The following CLDND1 variants were observed in gnomAD, a reference collection of about 807,000 sequenced individuals.
CLDND1 encodes the protein claudin domain containing 1.
CLDND1 carries 13 observed loss-of-function variants against 26.3 expected under a neutral mutation model. The ratio of observed to expected loss-of-function variants is 0.49; its 90% CI spans 0.32 to 0.78. The LOEUF (loss-of-function observed/expected upper bound fraction) is 0.78. Ranked by LOEUF, CLDND1 falls within the 30% of genes least tolerant of loss-of-function variation. The pLI is 0.03. For synonymous variants in CLDND1, 107 were observed against 107.0 expected, an observed-to-expected ratio of 1.00 and a Z score of 0.00; for missense variants, 289 against 312.8, an observed-to-expected ratio of 0.92 and a Z score of 0.57.
At position 98,517,245 on chromosome 3, in the gene CLDND1, C is replaced by T. The variant is rs185129354; in HGVS notation, c.404-56G>A. 610 of 1,572,962 alleles carry T rather than the reference C, an allele frequency of 3.9e-4. 1 individual carries two copies. In the African/African-American group the frequency reaches 6.5e-3, roughly 17 times the overall value. On this transcript the variant is annotated intron_variant, in intron 3 of 4. Transcript: ENST00000341181. ...TACCGTGATTTCAGACCATTTTCCCCGCAATGGCAATTTCTTTCATATTCT... is the reference window on the plus strand; with the variant it reads ...TACCGTGATTTCAGACCATTTTCCCTGCAATGGCAATTTCTTTCATATTCT...
rs771954480 is a variant in CLDND1, at chr3:98,517,217, T to C, written c.404-28A>G. On this transcript the variant is annotated intron_variant, in intron 3 of 4. Coordinates refer to ENST00000341181, the MANE Select transcript of CLDND1 (RefSeq NM_001040181.2). ...GATTTTTAAAAAGAGAGAAAAGAAA[T>C]GTTACCGTGATTTCAGACCATTTTC... is the stretch of plus-strand genomic sequence containing the variant. The C allele has an allele frequency of 4.4e-6, 7 of 1,604,350 alleles. No individual in the cohort carries two copies. The South Asian group carries it at 7.9e-5, about 18-fold the overall frequency.
At chr3:98,517,412 C>T in intron 3 of CLDND1, 1 of 545,604 alleles carries the variant, frequency 1.8e-6, no homozygotes. Flanking sequence ...TGAGGGTTCA[C>T]TATGTTCCAT....
chr3:98,522,413 G>T (rs996035949), intron 1 of CLDND1: 2 of 444,804 alleles, frequency 4.5e-6, no homozygotes, highest in Non-Finnish European at 6.2e-6. Context: ...CGCAAACTGG[G>T]GTTGCTGAGT....
At position 98,516,527 on chromosome 3, in the gene CLDND1, T is replaced by C; in HGVS notation, c.*132A>G. 10 of 1,420,140 alleles carry C rather than the reference T, an allele frequency of 7.0e-6. No homozygotes were observed. Among genetic ancestry groups the C allele is most frequent in the Non-Finnish European group, 9.2e-6 (10 of 1,083,474 alleles). The allele number at this position is 1,420,140 out of a possible 1,614,324, so 88.0% of individuals were successfully genotyped here. A position where few individuals can be genotyped will look rare whatever the true frequency, so the allele number is the denominator to read the frequency against. ...GTGTGTATTTAGTGGTGAATGTGTA[T>C]AAATAAAATAGATTTTCATAATAAA... On this transcript the variant is annotated 3_prime_UTR_variant, in exon 5 of 5. Transcript: ENST00000341181.
At chr3:98,517,559 AT>A (rs1257337600) in intron 3 of CLDND1, among the ~76,000 whole-genome samples, 16 of 152,368 alleles carry the variant, frequency 1.1e-4, no homozygotes, top group East Asian at 5.8e-4. Flanking sequence ...AGAAAAAAAA[AT>A]GATACAAATT....
rs752218443 is a variant in CLDND1, at chr3:98,519,010, ATTGCCTG to A, written c.293-22_293-16del. 2 of 1,383,438 alleles carry A rather than the reference ATTGCCTG, an allele frequency of 1.4e-6. No homozygotes were observed. The highest frequency in any genetic ancestry group is 2.0e-6 in the Non-Finnish European group (2 of 982,110). The allele number at this position is 1,383,438 out of a possible 1,614,324, so 85.7% of individuals were successfully genotyped here. ...ATCAAATGACTCTGGAACAAGAACA[ATTGCCTG>A]TTGTTTTAATTATAAACATTTAACA... On this transcript the variant is annotated splice_polypyrimidine_tract_variant and intron_variant, in intron 2 of 4. Transcript: ENST00000341181.
In CLDND1 at chr3:98,516,923, A is replaced by T. The variant is rs1706165544; in HGVS notation, c.542-44T>A. ...AAACAAAACAAAACATGGCTGGATA[A>T]AAGCACAGTAAAGAGCTTTTCAGGC... On this transcript the variant is annotated intron_variant, in intron 4 of 4. Coordinates refer to ENST00000341181, the MANE Select transcript of CLDND1 (RefSeq NM_001040181.2). 4 of 1,611,660 alleles carry T rather than the reference A, an allele frequency of 2.5e-6. No individual in the cohort carries two copies. The East Asian group carries it at 8.9e-5, about 36-fold the overall frequency.
intron 3 of CLDND1, 149 bp from the exon 4 acceptor site, chr3:98,517,338 T>G (rs1706186987): frequency 1.2e-6 from 1 of 851,982 alleles, no homozygotes; most frequent in Admixed American, 2.9e-5. Flanking sequence ...AAGCACATTA[T>G]TCAAAAGGAT....
chr3:98,521,670 C>CA (rs780290258), intron 1 of CLDND1: 3 of 1,612,826 alleles, frequency 1.9e-6, no homozygotes, highest in African/African-American at 1.3e-5. Flanking sequence ...GCTACGGAGA[C>CA]AGAGGTCTTG....
intron 4 of CLDND1, 50 bp from the exon 5 acceptor site, chr3:98,516,929 C>G: frequency 6.2e-7 from 1 of 1,609,512 alleles, no homozygotes; most frequent in African/African-American, 1.3e-5. Context: ...GATAAAAGCA[C>G]AGTAAAGAGC....
At position 98,515,800 on chromosome 3, in the gene CLDND1, T is replaced by C. The variant is rs1346117952; in HGVS notation, c.*859A>G. On this transcript the variant is annotated 3_prime_UTR_variant, in exon 5 of 5. Transcript: ENST00000341181. ...TGGTAGGTTTCCCAGCTCTGGAGGGTCATTATGGTGAAACGTTCTTTATAG... is the reference window on the plus strand; with the variant it reads ...TGGTAGGTTTCCCAGCTCTGGAGGGCCATTATGGTGAAACGTTCTTTATAG... The C allele has an allele frequency of 1.6e-6, 2 of 1,289,250 alleles. No homozygotes were observed. The highest frequency in any genetic ancestry group is 2.0e-6 in the Non-Finnish European group (2 of 988,764). The allele number at this position is 1,289,250 out of a possible 1,614,324, so 79.9% of individuals were successfully genotyped here. A position where few individuals can be genotyped will look rare whatever the true frequency, so the allele number is the denominator to read the frequency against.
chr3:98,521,936 AAG>A (rs1706433112), intron 1 of CLDND1: 2 of 525,012 alleles, frequency 3.8e-6, no homozygotes, highest in Non-Finnish European at 6.8e-6. Context: ...AAACAAAGGT[AAG>A]AGTCAGGAGC....
At chr3:98,520,030 C>T (rs933881609) in intron 2 of CLDND1, among the ~76,000 whole-genome samples, 14 of 152,216 alleles carry the variant, frequency 9.2e-5, no homozygotes, top group Non-Finnish European at 2.1e-4. Context: ...CATCTTTTAA[C>T]ATACTGAATA....
At position 98,515,886 on chromosome 3, in the gene CLDND1, G is replaced by GA. The variant is rs1706118899; in HGVS notation, c.*772_*773insT. 2 of 1,281,222 alleles carry GA rather than the reference G, an allele frequency of 1.6e-6. No homozygotes were observed. The highest frequency in any genetic ancestry group is 2.0e-6 in the Non-Finnish European group (2 of 984,246). The allele number at this position is 1,281,222 out of a possible 1,614,324, so 79.4% of individuals were successfully genotyped here. On this transcript the variant is annotated 3_prime_UTR_variant, in exon 5 of 5. Transcript: ENST00000341181. Reference sequence around the variant, plus strand: ...TTTTACCTTGTAACTGTAATATAATGTAAAAAGAAAGCACACTTTTAATAA... The same window carrying GA: ...TTTTACCTTGTAACTGTAATATAATGATAAAAAGAAAGCACACTTTTAATAA...
Position 98,522,861 on chromosome 3 carries a change from T to C in CLDND1, c.-31A>G. 1 of 1,613,738 alleles carries C rather than the reference T, an allele frequency of 6.2e-7. No individual in the cohort carries two copies. The highest frequency in any genetic ancestry group is 8.5e-7 in the Non-Finnish European group (1 of 1,179,726). On this transcript the variant is annotated 5_prime_UTR_variant, in exon 1 of 5. Transcript: ENST00000341181. ...CCCGCTCACTCACCGCCCATCCTCC[T>C]GCTCCGCCAGCTTCACCCTCTAGCT...
Position 98,516,885 on chromosome 3 carries a change from G to A in CLDND1, c.542-6C>T. On this transcript the variant is annotated splice_polypyrimidine_tract_variant and splice_region_variant and intron_variant, in intron 4 of 4. Coordinates refer to ENST00000341181, the MANE Select transcript of CLDND1 (RefSeq NM_001040181.2). ...TGAGCCCAGTGTACACAGACCTTGG[G>A]GGAAAATTTAGAAAACAAAACAAAA... 2.5e-6 allele frequency: 4 copies of A among 1,613,600 alleles called. No homozygotes were observed. Among genetic ancestry groups the A allele is most frequent in the Non-Finnish European group, 3.4e-6 (4 of 1,179,822 alleles).
At position 98,521,259 on chromosome 3, in the gene CLDND1, T is replaced by C; in HGVS notation, c.166A>G (p.Ser56Gly). The C allele has an allele frequency of 6.2e-7, 1 of 1,614,218 alleles. No homozygotes were observed. The highest frequency in any genetic ancestry group is 1.6e-4 in the Middle Eastern group (1 of 6,062). Reference sequence around the variant, plus strand: ...TAAGTCTTTTCATCTGCCTCATCACTAATGAATTCATCCCAGATGCTTTTA... The same window carrying C: ...TAAGTCTTTTCATCTGCCTCATCACCAATGAATTCATCCCAGATGCTTTTA... ...LNKSIWDEFI[S>G]DEADEKTYND... is the part of the protein sequence containing the mutation. The change falls in exon 2 of 5, where the codon AGT (serine) becomes GGT (glycine). Residue 56 changes from serine to glycine, a missense_variant. Coordinates refer to ENST00000341181, the MANE Select transcript of CLDND1 (RefSeq NM_001040181.2).
rs1234521617 is a variant in CLDND1, at chr3:98,515,622, G to A, written c.*1037C>T. 1 of 1,120,518 alleles carries A rather than the reference G, an allele frequency of 8.9e-7. No homozygotes were observed. Among genetic ancestry groups the A allele is most frequent in the Non-Finnish European group, 1.1e-6 (1 of 894,788 alleles). 69.4% of individuals were successfully genotyped at this position (1,120,518 alleles called of 1,614,324 possible). On this transcript the variant is annotated 3_prime_UTR_variant, in exon 5 of 5. Transcript: ENST00000341181. ...AGTTTTTTAAAGTTCAATGTTTATA[G>A]ACATACTTATAAAAAAATGACTGAA...
Position 98,515,828 on chromosome 3 carries a change from C to G in CLDND1, c.*831G>C. 1.6e-6 allele frequency: 2 copies of G among 1,289,372 alleles called. No individual in the cohort carries two copies. Among genetic ancestry groups the G allele is most frequent in the Non-Finnish European group, 2.0e-6 (2 of 988,628 alleles). 79.9% of individuals were successfully genotyped at this position (1,289,372 alleles called of 1,614,324 possible). A position where few individuals can be genotyped will look rare whatever the true frequency, so the allele number is the denominator to read the frequency against. On this transcript the variant is annotated 3_prime_UTR_variant, in exon 5 of 5. Coordinates refer to ENST00000341181, the MANE Select transcript of CLDND1 (RefSeq NM_001040181.2). ...TTATGGTGAAACGTTCTTTATAGTA[C>G]TGGGCTGGAATAAATAAATAGCAGT...
Sources: gnomAD v4.1 joint callset for allele counts (sites outside exome capture counted in the v4.1 genomes callset) on GRCh38, gnomAD v4.1.1 for gene constraint, MANE v1.5 for transcripts, NCBI Gene and HGNC (gene_info 2026-07-23, HGNC 2026-07-21) for gene names.